PDE1A: variants seen among roughly 807,000 people sequenced by gnomAD.
PDE1A encodes the protein phosphodiesterase 1A.
PDE1A carries 35 observed loss-of-function variants against 61.7 expected under a neutral mutation model. The observed-to-expected ratio is 0.57, with a 90% confidence interval of 0.43 to 0.75. The LOEUF (loss-of-function observed/expected upper bound fraction) is 0.75. Ranked by LOEUF, PDE1A falls within the 30% of genes least tolerant of loss-of-function variation. The pLI is 0.00. For missense variants in PDE1A, 597 were observed against 630.6 expected (o/e 0.95, Z 0.57); for synonymous variants, 232 against 213.2 (o/e 1.09, Z -0.77).
chr2:182,668,527 A>C, the PDE1A span, among the ~76,000 whole-genome samples: 1 of 152,020 alleles, frequency 6.6e-6, no homozygotes, highest in Non-Finnish European at 1.5e-5. Context: ...CTAGAAATGG[A>C]GGAAATGGAA....
At chr2:182,459,312 G>A (rs1269998842) in intron 2 of PDE1A, among the ~76,000 whole-genome samples, 2 of 152,066 alleles carry the variant, frequency 1.3e-5, no homozygotes, top group Admixed American at 1.3e-4. Context: ...GTTCTCAGAG[G>A]AGGGAATGTT....
intron 2 of PDE1A, among the ~76,000 whole-genome samples, chr2:182,438,603 A>G (rs1684592415): frequency 6.6e-6 from 1 of 151,996 alleles, no homozygotes; most frequent in Non-Finnish European, 1.5e-5. Context: ...TACTAGAAAG[A>G]CAATGCAGAG....
At chr2:182,468,303 T>C (rs1237238358) in intron 2 of PDE1A, among the ~76,000 whole-genome samples, 1 of 152,016 alleles carries the variant, frequency 6.6e-6, no homozygotes. Flanking sequence ...TAACTAAGTT[T>C]ATGTACAAGT....
chr2:182,362,985 G>A (rs1699599813), intron 1 of PDE1A, among the ~76,000 whole-genome samples: 1 of 151,798 alleles, frequency 6.6e-6, no homozygotes, highest in South Asian at 2.1e-4. Flanking sequence ...AAATACCACA[G>A]GTTCTCACAA....
chr2:182,483,928 A>G (rs1687853664), intron 2 of PDE1A, among the ~76,000 whole-genome samples: 1 of 151,902 alleles, frequency 6.6e-6, no homozygotes, highest in South Asian at 2.1e-4. Flanking sequence ...AAGAGTAGAC[A>G]TCACTATGAA....
the PDE1A span, among the ~76,000 whole-genome samples, chr2:182,634,015 AGAGG>A: frequency 1.3e-5 from 2 of 152,002 alleles, no homozygotes; most frequent in African/African-American, 4.8e-5. Context: ...TTTGAACCTA[AGAGG>A]GAGAGGTTGC....
the PDE1A span, among the ~76,000 whole-genome samples, chr2:182,712,597 C>T: frequency 6.6e-6 from 1 of 152,016 alleles, no homozygotes; most frequent in African/African-American, 2.4e-5. Context: ...TGCTCTGTTG[C>T]CTAAGCTGGA....
At chr2:182,204,885 T>C (rs990247170) in intron 8 of PDE1A, among the ~76,000 whole-genome samples, 4 of 152,204 alleles carry the variant, frequency 2.6e-5, no homozygotes, top group Non-Finnish European at 5.9e-5. Flanking sequence ...CAGCATTTTC[T>C]AGAGTTGCAA....
At chr2:182,620,254 T>C in the PDE1A span, among the ~76,000 whole-genome samples, 20,233 of 152,230 alleles carry the variant, frequency 0.13, 1,530 homozygotes, top group Middle Eastern at 0.22. Context: ...CACATTTCTA[T>C]ATTAATATGA....
the PDE1A span, among the ~76,000 whole-genome samples, chr2:182,557,711 C>CA: frequency 6.6e-5 from 10 of 151,272 alleles, no homozygotes; most frequent in East Asian, 1.5e-3. Flanking sequence ...GACCCTATCT[C>CA]AAAAAAATAA....
chr2:182,418,058 C>A (rs1703033515), intron 1 of PDE1A, among the ~76,000 whole-genome samples: 1 of 151,992 alleles, frequency 6.6e-6, no homozygotes, highest in Non-Finnish European at 1.5e-5. Context: ...AAATTTAAGT[C>A]CCAAGAGAAT....
chr2:182,443,696 T>C (rs1163730901), intron 2 of PDE1A, among the ~76,000 whole-genome samples: 2 of 151,260 alleles, frequency 1.3e-5, no homozygotes, highest in Non-Finnish European at 2.9e-5. Flanking sequence ...TATTTTCTTT[T>C]TTCCTTTTTT....
the PDE1A span, among the ~76,000 whole-genome samples, chr2:182,587,293 TTA>T: frequency 6.6e-6 from 1 of 152,154 alleles, no homozygotes; most frequent in African/African-American, 2.4e-5. Context: ...GCCCTGACTC[TTA>T]TAACTTGAAA....
upstream of PDE1A, among the ~76,000 whole-genome samples, chr2:182,524,489 C>T (rs1690736025): frequency 6.6e-6 from 1 of 152,064 alleles, no homozygotes; most frequent in African/African-American, 2.4e-5. Context: ...TTGCCCTTTG[C>T]TTTCACTATG....
chr2:182,526,423 T>C (rs1690774443), upstream of PDE1A, among the ~76,000 whole-genome samples: 1 of 152,112 alleles, frequency 6.6e-6, no homozygotes, highest in Admixed American at 6.5e-5. Flanking sequence ...TTTGGGTCTG[T>C]ACAGTATGAA....
intron 1 of PDE1A, among the ~76,000 whole-genome samples, chr2:182,355,710 G>C (rs1194144605): frequency 6.6e-6 from 1 of 151,934 alleles, no homozygotes; most frequent in African/African-American, 2.4e-5. Flanking sequence ...TTTTTAAAAA[G>C]GCTTTTAATT....
exon 11 of PDE1A, chr2:182,189,004 T>G: frequency 6.2e-7 from 1 of 1,613,052 alleles, no homozygotes; most frequent in Non-Finnish European, 8.5e-7. Context: ...CCACCATGGT[T>G]GACTTCCGAT....
exon 10 of PDE1A, chr2:182,201,491 C>A: frequency 6.2e-7 from 1 of 1,613,990 alleles, no homozygotes; most frequent in African/African-American, 1.3e-5. Context: ...ATGCAGCTTC[C>A]AGGATTTGGC....
rs1219608685 is a variant in PDE1A, at chr2:182,451,378, C to CAAAA, written c.101+70894_101+70897dup. ...TGGGCGACAGAGCGAGACTCCGTCT[C>CAAAA]AAAAAAAAAAAAAAAAAAAAATATT... On this transcript the variant is annotated intron_variant, in intron 2 of 14. Transcript: ENST00000410103. Among the ~76,000 whole-genome samples, 23 of 12,294 alleles carry CAAAA rather than the reference C, an allele frequency of 1.9e-3. 7 individuals are homozygous for CAAAA. The highest frequency in any genetic ancestry group is 7.5e-3 in the African/African-American group (23 of 3,056). The allele number at this position is 12,294 out of a possible 152,430, so 8.1% of individuals were successfully genotyped here.
Sources: allele counts gnomAD v4.1 joint callset (sites outside exome capture counted in the v4.1 genomes callset), GRCh38; gene constraint gnomAD v4.1.1; transcripts MANE v1.5; gene names NCBI Gene and HGNC (gene_info 2026-07-23, HGNC 2026-07-21).